The following FGF12 variants were observed in gnomAD, a reference collection of about 807,000 sequenced individuals.
The protein encoded by FGF12 is fibroblast growth factor 12.
In FGF12, 14 loss-of-function variants were observed where a neutral mutation model predicts 23.6. The observed-to-expected ratio is 0.59, with a 90% CI of 0.39 to 0.93. FGF12 has a LOEUF of 0.93. Among genes scored for constraint, FGF12 ranks in the 40% least tolerant of loss-of-function variants. The probability of loss-of-function intolerance (pLI) is 0.00; values close to 1 mark genes in which losing one functional copy is unlikely to be tolerated. For synonymous variants in FGF12, 62 were observed against 77.3 expected (o/e 0.80, Z 1.04); for missense variants, 175 against 217.8 (o/e 0.80, Z 1.24).
At chr3:192,285,419 T>C (rs1413301506) in intron 4 of FGF12, among the ~76,000 whole-genome samples, 10 of 152,050 alleles carry the variant, frequency 6.6e-5, no homozygotes, top group Non-Finnish European at 1.3e-4. Flanking sequence ...ATCAATGACT[T>C]ATGAAGAATA....
At chr3:192,717,185 T>C (rs1718891841) in intron 2 of FGF12, among the ~76,000 whole-genome samples, 1 of 152,204 alleles carries the variant, frequency 6.6e-6, no homozygotes, top group Non-Finnish European at 1.5e-5. Flanking sequence ...GAAGGTTGAT[T>C]GGCTTATAAG....
intron 4 of FGF12, among the ~76,000 whole-genome samples, chr3:192,330,750 C>G (rs549845064): frequency 6.6e-6 from 1 of 151,390 alleles, no homozygotes; most frequent in African/African-American, 2.4e-5. Context: ...AACAAAAAAC[C>G]TCCTAGAATA....
intron 4 of FGF12, among the ~76,000 whole-genome samples, chr3:192,215,264 C>G (rs1718134124): frequency 6.6e-6 from 1 of 152,164 alleles, no homozygotes; most frequent in African/African-American, 2.4e-5. Context: ...CCATTAGACT[C>G]TGCACTAATC....
chr3:192,662,434 A>T (rs1716704859), intron 2 of FGF12, among the ~76,000 whole-genome samples: 1 of 152,188 alleles, frequency 6.6e-6, no homozygotes, highest in South Asian at 2.1e-4. Flanking sequence ...CATCTCATCA[A>T]TTCAACCTCT....
chr3:192,247,160 A>T (rs1417972858), intron 4 of FGF12, among the ~76,000 whole-genome samples: 1 of 152,050 alleles, frequency 6.6e-6, no homozygotes, highest in Non-Finnish European at 1.5e-5. Context: ...GAGACTGGTG[A>T]TGTGCAATGG....
chr3:192,245,177 C>T (rs113026579), intron 4 of FGF12, among the ~76,000 whole-genome samples: 8 of 135,370 alleles, frequency 5.9e-5, no homozygotes, highest in Admixed American at 7.1e-5. Context: ...CTCACTGCAG[C>T]CTTGAACTCC....
intron 2 of FGF12, among the ~76,000 whole-genome samples, chr3:192,675,636 G>A (rs1167965813): frequency 6.6e-6 from 1 of 152,174 alleles, no homozygotes; most frequent in East Asian, 1.9e-4. Flanking sequence ...TGAGGAATCT[G>A]TTGCTCAGAG....
chr3:192,389,714 G>A (rs1055390150), intron 2 of FGF12, among the ~76,000 whole-genome samples: 1 of 152,120 alleles, frequency 6.6e-6, no homozygotes, highest in Admixed American at 6.5e-5. Flanking sequence ...TTTTCAAAAT[G>A]TATAATTTCT....
At chr3:192,543,751 C>A (rs527681508) in intron 2 of FGF12, among the ~76,000 whole-genome samples, 1 of 152,182 alleles carries the variant, frequency 6.6e-6, no homozygotes, top group Non-Finnish European at 1.5e-5. Flanking sequence ...GGACTGGGTT[C>A]TCCCCTTCAA....
At chr3:192,572,987 T>A in intron 2 of FGF12, among the ~76,000 whole-genome samples, 1 of 152,214 alleles carries the variant, frequency 6.6e-6, no homozygotes, top group East Asian at 1.9e-4. Context: ...GGTGATGACA[T>A]GACTCTAGGA....
At chr3:192,233,336 C>A (rs572281295) in intron 4 of FGF12, among the ~76,000 whole-genome samples, 23 of 152,140 alleles carry the variant, frequency 1.5e-4, no homozygotes, top group African/African-American at 5.3e-4. Flanking sequence ...GCTTGTTGGC[C>A]ATGTGAATGT....
At chr3:192,633,551 C>A (rs575525293) in intron 2 of FGF12, among the ~76,000 whole-genome samples, 2 of 152,138 alleles carry the variant, frequency 1.3e-5, no homozygotes, top group South Asian at 4.2e-4. Flanking sequence ...AAGACCACAA[C>A]AAAAGTATAT....
intron 4 of FGF12, among the ~76,000 whole-genome samples, chr3:192,216,482 A>G (rs1201858942): frequency 6.6e-6 from 1 of 152,272 alleles, no homozygotes; most frequent in African/African-American, 2.4e-5. Flanking sequence ...AATGAAATAC[A>G]TATCATAAAA....
At chr3:192,653,368 T>C (rs1299716470) in intron 2 of FGF12, among the ~76,000 whole-genome samples, 2 of 152,014 alleles carry the variant, frequency 1.3e-5, no homozygotes, top group Admixed American at 6.6e-5. Flanking sequence ...TCCCCAGGAG[T>C]TTCTCTGGTC....
intron 2 of FGF12, among the ~76,000 whole-genome samples, chr3:192,502,602 CTG>C (rs1235040088): frequency 3.9e-5 from 6 of 152,290 alleles, no homozygotes; most frequent in Non-Finnish European, 7.4e-5. Flanking sequence ...AGTGGCCAGA[CTG>C]TGTAGATAAC....
intron 2 of FGF12, among the ~76,000 whole-genome samples, chr3:192,502,689 A>G (rs1017832380): frequency 1.3e-5 from 2 of 152,216 alleles, no homozygotes; most frequent in Non-Finnish European, 2.9e-5. Flanking sequence ...TAAAAGACAG[A>G]GATGCTCTAC....
chr3:192,454,389 C>A (rs1722618086), intron 2 of FGF12, among the ~76,000 whole-genome samples: 1 of 152,078 alleles, frequency 6.6e-6, no homozygotes, highest in Admixed American at 6.5e-5. Context: ...CAGTCCTTAT[C>A]AAAAACACAA....
chr3:192,396,376 G>A (rs949470465), intron 2 of FGF12, among the ~76,000 whole-genome samples: 11 of 152,104 alleles, frequency 7.2e-5, no homozygotes, highest in Middle Eastern at 3.2e-3. Context: ...ATATTTAAAC[G>A]CATCTACCCA....
intron 2 of FGF12, among the ~76,000 whole-genome samples, chr3:192,639,494 T>C (rs1577092806): frequency 6.6e-6 from 1 of 152,234 alleles, no homozygotes; most frequent in East Asian, 1.9e-4. Flanking sequence ...TAAACATATC[T>C]GAACTCCACA....
Sources: allele counts gnomAD v4.1 joint callset (sites outside exome capture counted in the v4.1 genomes callset), GRCh38; gene constraint gnomAD v4.1.1; transcripts MANE v1.5; gene names NCBI Gene and HGNC (gene_info 2026-07-23, HGNC 2026-07-21).